ELMOD2: variants seen among roughly 807,000 people sequenced by gnomAD.
ELMOD2 encodes ELMO domain containing 2.
A neutral mutation model predicts 41.0 loss-of-function variants in ELMOD2; 28 were observed. The ratio of observed to expected loss-of-function variants is 0.68; its 90% confidence interval spans 0.51 to 0.94. The LOEUF (loss-of-function observed/expected upper bound fraction) is 0.94. ELMOD2 is among the 40% of genes least tolerant of loss of function. ELMOD2 has a pLI of 0.00. For missense variants in ELMOD2, 333 were observed against 343.1 expected, an observed-to-expected ratio of 0.97 and a Z score of 0.23; for synonymous variants, 106 against 107.2, an observed-to-expected ratio of 0.99 and a Z score of 0.07.
rs181979433 is a variant in ELMOD2, at chr4:140,553,117, A to G, written c.*2742A>G. ...TCTTCACTTTTGTTCCAGTACTATA[A>G]TTGCTCATGCACTCTTTCTCCCCTT... On this transcript the variant is annotated 3_prime_UTR_variant, in exon 9 of 9. Transcript: ENST00000323570. 9.9e-5 allele frequency: 15 copies of G among 152,224 alleles called. No individual in the cohort carries two copies. The highest frequency in any genetic ancestry group is 3.6e-4 in the African/African-American group (15 of 41,550). The allele number at this position is 152,224 out of a possible 1,614,324, so 9.4% of individuals were successfully genotyped here.
At chr4:140,542,455 T>C (rs1351602018) in intron 6 of ELMOD2, 119 bp from the exon 7 acceptor site, 2 of 671,204 alleles carry the variant, frequency 3.0e-6, no homozygotes, top group Non-Finnish European at 4.9e-6. Flanking sequence ...GAGACAGATA[T>C]CAGGATACTC....
At position 140,549,357 on chromosome 4, in the gene ELMOD2, A is replaced by ATGTG. The variant is rs1553962939; in HGVS notation, c.737-855_737-852dup. Among the ~76,000 whole-genome samples the ATGTG allele has an allele frequency of 4.6e-3, 694 of 150,240 alleles. 3 individuals are homozygous for ATGTG. Among genetic ancestry groups the ATGTG allele is most frequent in the Middle Eastern group, 0.014 (4 of 290 alleles). On this transcript the variant is annotated intron_variant, in intron 8 of 8. Coordinates refer to ENST00000323570, the MANE Select transcript of ELMOD2 (RefSeq NM_153702.4). Reference sequence around the variant, plus strand: ...TAAATTCACATTTAAGTTTACATATATGTGTGTGTGTGTGTGTGTGTATAA... The same window carrying ATGTG: ...TAAATTCACATTTAAGTTTACATATATGTGTGTGTGTGTGTGTGTGTGTGTATAA...
intron 3 of ELMOD2, among the ~76,000 whole-genome samples, chr4:140,530,351 G>C (rs551619676): frequency 6.6e-6 from 1 of 152,162 alleles, no homozygotes; most frequent in African/African-American, 2.4e-5. Context: ...CACATGTTCA[G>C]TATTCAACCA....
At chr4:140,546,597 A>G (rs1735292914) in intron 8 of ELMOD2, among the ~76,000 whole-genome samples, 1 of 151,434 alleles carries the variant, frequency 6.6e-6, no homozygotes, top group African/African-American at 2.4e-5. Flanking sequence ...TAAAAAATAA[A>G]TCTTCATAAA....
intron 2 of ELMOD2, 98 bp downstream of exon 2, chr4:140,525,668 A>T: frequency 7.5e-7 from 1 of 1,331,910 alleles, no homozygotes; most frequent in South Asian, 1.7e-5. Flanking sequence ...TATCCTGACA[A>T]GTCACTTAAA....
intron 1 of ELMOD2, 164 bp downstream of exon 1, chr4:140,524,444 G>T (rs561201384): frequency 6.8e-5 from 20 of 294,462 alleles, no homozygotes; most frequent in African/African-American, 3.2e-4. Context: ...GCGCGCGAGG[G>T]GGGTCGGCGC....
At chr4:140,530,042 G>A (rs966004620) in intron 3 of ELMOD2, among the ~76,000 whole-genome samples, 9 of 152,116 alleles carry the variant, frequency 5.9e-5, no homozygotes, top group African/African-American at 1.9e-4. Context: ...GAATAAGTGA[G>A]AAAAATAAGA....
Position 140,527,458 on chromosome 4 carries a change from C to G in ELMOD2, c.143-8C>G. The G allele has an allele frequency of 6.7e-7, 1 of 1,484,656 alleles. No individual in the cohort carries two copies. The highest frequency in any genetic ancestry group is 9.0e-7 in the Non-Finnish European group (1 of 1,115,196). 92.0% of individuals were successfully genotyped at this position (1,484,656 alleles called of 1,614,324 possible). A position where few individuals can be genotyped will look rare whatever the true frequency, so the allele number is the denominator to read the frequency against. On this transcript the variant is annotated splice_polypyrimidine_tract_variant and splice_region_variant and intron_variant, in intron 2 of 8. Coordinates refer to ENST00000323570, the MANE Select transcript of ELMOD2 (RefSeq NM_153702.4). ...GATAACATCTTTTTTTTTTTTTTGT[C>G]ATTTCAGAAAATTCCTTGACATACT...
intron 4 of ELMOD2, 137 bp downstream of exon 4, chr4:140,535,967 G>A (rs1734912282): frequency 1.5e-5 from 11 of 741,282 alleles, no homozygotes; most frequent in Non-Finnish European, 2.3e-5. Flanking sequence ...TTCACAAGAG[G>A]AGCAGTTGAG....
intron 3 of ELMOD2, among the ~76,000 whole-genome samples, chr4:140,529,402 G>GTAAAGAGAGTAAAACC (rs1734669337): frequency 6.6e-6 from 1 of 152,182 alleles, no homozygotes; most frequent in Admixed American, 6.5e-5. Context: ...CCTCGACATT[G>GTAAAGAGAGTAAAACC]TAAAGAGAGT....
At chr4:140,532,560 C>T (rs1734785750) in intron 3 of ELMOD2, among the ~76,000 whole-genome samples, 1 of 152,120 alleles carries the variant, frequency 6.6e-6, no homozygotes, top group Non-Finnish European at 1.5e-5. Context: ...TACTGAAAAA[C>T]TGTTTTGACA....
intron 5 of ELMOD2, among the ~76,000 whole-genome samples, chr4:140,539,047 A>G (rs1578767178): frequency 6.6e-6 from 1 of 152,214 alleles, no homozygotes; most frequent in East Asian, 1.9e-4. Context: ...GTGACCAGGT[A>G]AACCTAATGT....
intron 8 of ELMOD2, among the ~76,000 whole-genome samples, chr4:140,549,711 T>G (rs1163431940): frequency 4.2e-5 from 3 of 71,874 alleles, no homozygotes; most frequent in African/African-American, 1.6e-4. Flanking sequence ...TTTTTTTTTT[T>G]GAGATAGGTT....
At chr4:140,527,515 T>G (rs1734608420) in intron 3 of ELMOD2, 21 bp downstream of exon 3, 1 of 1,564,436 alleles carries the variant, frequency 6.4e-7, no homozygotes, top group Non-Finnish European at 8.6e-7. Flanking sequence ...ATAAAGGTGG[T>G]AACTCTAGAA....
Position 140,535,588 on chromosome 4 carries a change from A to G in ELMOD2, c.172-145A>G, listed in dbSNP as rs566490042. The G allele has an allele frequency of 1.8e-5, 12 of 660,574 alleles. No homozygotes were observed. In the African/African-American group the frequency reaches 2.2e-4, roughly 12 times the overall value. The allele number at this position is 660,574 out of a possible 1,614,324, so 40.9% of individuals were successfully genotyped here. ...TATATATGTGAATTTAGCCCTAGAGAAAATGTGAAATAAACTGGTTGAAAC... is the reference window on the plus strand; with the variant it reads ...TATATATGTGAATTTAGCCCTAGAGGAAATGTGAAATAAACTGGTTGAAAC... On this transcript the variant is annotated intron_variant, in intron 3 of 8. Coordinates refer to ENST00000323570, the MANE Select transcript of ELMOD2 (RefSeq NM_153702.4).
At chr4:140,537,643 G>A (rs1032707887) in intron 5 of ELMOD2, 102 bp downstream of exon 5, 86 of 1,371,884 alleles carry the variant, frequency 6.3e-5, no homozygotes, top group Admixed American at 1.1e-4. Context: ...ATATGGCTAG[G>A]CTTATATGGT....
Position 140,537,515 on chromosome 4 carries a change from C to G in ELMOD2, c.373C>G (p.Leu125Val). Reference sequence around the variant, plus strand: ...GAAAAGGCCATATGATTCTGATAACCTACAGCATGAAGAGCTACTCATGAA... The same window carrying G: ...GAAAAGGCCATATGATTCTGATAACGTACAGCATGAAGAGCTACTCATGAA... ...VRKRPYDSDN[L>V]QHEELLMKLW... The change falls in exon 5 of 9, where the codon CTA becomes GTA. Residue 125 changes from leucine to valine, a missense_variant. Physicochemically the swap from Leu to Val is conservative, Grantham distance 32. Transcript: ENST00000323570. The G allele has an allele frequency of 1.3e-6, 2 of 1,599,320 alleles. No homozygotes were observed.
intron 6 of ELMOD2, 29 bp downstream of exon 6, chr4:140,540,330 C>A (rs1735066800): frequency 6.2e-7 from 1 of 1,607,022 alleles, no homozygotes; most frequent in East Asian, 2.2e-5. Context: ...TCTTTTCTTC[C>A]CTAAATGAAA....
At position 140,542,736 on chromosome 4, in the gene ELMOD2, A is replaced by G. The variant is rs1735148855; in HGVS notation, c.602+94A>G. Reference sequence around the variant, plus strand: ...GAAGGTATATCAAGGTATTTCTTAAAATAAAGTATTTTAATAAGAACTTTT... The same window carrying G: ...GAAGGTATATCAAGGTATTTCTTAAGATAAAGTATTTTAATAAGAACTTTT... On this transcript the variant is annotated intron_variant, in intron 7 of 8. Transcript: ENST00000323570. The G allele has an allele frequency of 1.6e-5, 15 of 963,312 alleles. No individual in the cohort carries two copies. The South Asian group carries it at 2.7e-4, about 17-fold the overall frequency. The allele number at this position is 963,312 out of a possible 1,614,324, so 59.7% of individuals were successfully genotyped here. A position where few individuals can be genotyped will look rare whatever the true frequency, so the allele number is the denominator to read the frequency against.
Sources: gnomAD v4.1 joint callset for allele counts (sites outside exome capture counted in the v4.1 genomes callset) on GRCh38, gnomAD v4.1.1 for gene constraint, MANE v1.5 for transcripts, NCBI Gene and HGNC (gene_info 2026-07-23, HGNC 2026-07-21) for gene names.